Variants in SPAG9 observed in about 807,000 individuals in gnomAD.
SPAG9 encodes the protein sperm associated antigen 9, also known as C-Jun-amino-terminal kinase-interacting protein 4.
In SPAG9, 35 loss-of-function variants were observed where a neutral mutation model predicts 166.5. The observed-to-expected ratio is 0.21, with a 90% confidence interval of 0.16 to 0.28. The LOEUF (loss-of-function observed/expected upper bound fraction) is 0.28. Among genes scored for constraint, SPAG9 ranks in the 10% least tolerant of loss-of-function variants. SPAG9 has a pLI of 1.00. For synonymous variants in SPAG9, 534 were observed against 565.5 expected (o/e 0.94, Z 0.79); for missense variants, 1,235 against 1,603.3 (o/e 0.77, Z 3.92).
intron 3 of SPAG9, among the ~76,000 whole-genome samples, chr17:51,053,604 G>A (rs1323571645): frequency 6.6e-6 from 1 of 151,426 alleles, no homozygotes; most frequent in Non-Finnish European, 1.5e-5. Flanking sequence ...AGAATCGCTT[G>A]AACCCAGGAG....
intron 6 of SPAG9, among the ~76,000 whole-genome samples, chr17:51,021,824 T>G (rs1015368209): frequency 1.1e-5 from 1 of 89,226 alleles, no homozygotes; most frequent in African/African-American, 2.9e-5. Context: ...CTAAATCATT[T>G]GAAGTGCTTG....
chr17:51,049,724 G>C (rs545711045), intron 3 of SPAG9, among the ~76,000 whole-genome samples: 64 of 152,148 alleles, frequency 4.2e-4, no homozygotes, highest in African/African-American at 1.5e-3. Flanking sequence ...TGCCTCCCAA[G>C]TAGCTGGGTA....
At chr17:51,003,043 A>G (rs2045030776) in intron 12 of SPAG9, among the ~76,000 whole-genome samples, 2 of 150,050 alleles carry the variant, frequency 1.3e-5, no homozygotes, top group Admixed American at 1.3e-4. Flanking sequence ...AGACCAGCCT[A>G]GGCAACATAG....
intron 1 of SPAG9, among the ~76,000 whole-genome samples, chr17:51,099,032 A>T (rs1393545604): frequency 6.8e-6 from 1 of 147,776 alleles, no homozygotes; most frequent in Admixed American, 6.8e-5. Flanking sequence ...CCCAGGAGGC[A>T]GAGGCTGCAG....
At chr17:51,081,239 A>T (rs1307284537) in intron 1 of SPAG9, among the ~76,000 whole-genome samples, 2 of 152,076 alleles carry the variant, frequency 1.3e-5, no homozygotes, top group Non-Finnish European at 2.9e-5. Context: ...AGGATTCTTT[A>T]AAAAGTCAGC....
intron 2 of SPAG9, among the ~76,000 whole-genome samples, chr17:51,073,831 G>A (rs905420044): frequency 6.6e-6 from 1 of 152,238 alleles, no homozygotes; most frequent in Non-Finnish European, 1.5e-5. Flanking sequence ...GGCCGGGCAC[G>A]GTGGCTCACG....
chr17:51,101,830 G>A (rs1249871312), intron 1 of SPAG9, among the ~76,000 whole-genome samples: 3 of 151,780 alleles, frequency 2.0e-5, no homozygotes, highest in Admixed American at 6.6e-5. Flanking sequence ...TCACCATGTT[G>A]GCCAGACTGT....
At chr17:51,102,044 C>T (rs1344989797) in intron 1 of SPAG9, among the ~76,000 whole-genome samples, 1 of 152,038 alleles carries the variant, frequency 6.6e-6, no homozygotes, top group Non-Finnish European at 1.5e-5. Context: ...GTTTTACTCA[C>T]CATTTTATCT....
At chr17:50,999,267 C>T (rs1206850600) in intron 14 of SPAG9, among the ~76,000 whole-genome samples, 3 of 152,150 alleles carry the variant, frequency 2.0e-5, no homozygotes, top group African/African-American at 7.2e-5. Context: ...TCAAACCCTA[C>T]AAGCACTAAA....
chr17:51,053,424 C>T (rs1022348100), intron 3 of SPAG9, among the ~76,000 whole-genome samples: 1 of 152,018 alleles, frequency 6.6e-6, no homozygotes, highest in Non-Finnish European at 1.5e-5. Flanking sequence ...CGGTGGCTCA[C>T]GCCTGTAATC....
At chr17:51,020,348 T>C in intron 7 of SPAG9, 90 bp from the exon 8 acceptor site, 3 of 780,306 alleles carry the variant, frequency 3.8e-6, no homozygotes, top group Non-Finnish European at 4.2e-6. Flanking sequence ...TGTAAAGGTA[T>C]CATTTGAACA....
At chr17:51,062,650 G>A (rs1007084288) in intron 2 of SPAG9, among the ~76,000 whole-genome samples, 1 of 152,110 alleles carries the variant, frequency 6.6e-6, no homozygotes, top group African/African-American at 2.4e-5. Flanking sequence ...GAGTGTAGTG[G>A]CATGATCTCA....
chr17:51,050,682 C>T (rs1232161786), intron 3 of SPAG9, among the ~76,000 whole-genome samples: 11 of 149,788 alleles, frequency 7.3e-5, no homozygotes, highest in Non-Finnish European at 4.4e-5. Flanking sequence ...TTATACATAA[C>T]AATTTAAATA....
chr17:50,977,320 AAAG>A, intron 26 of SPAG9, 99 bp from the exon 27 acceptor site: 1 of 737,808 alleles, frequency 1.4e-6, no homozygotes, highest in Non-Finnish European at 2.4e-6. Flanking sequence ...AACAAAAAAA[AAAG>A]AAAGAAAGTA....
At chr17:51,077,943 C>T (rs997808624) in intron 2 of SPAG9, among the ~76,000 whole-genome samples, 7 of 151,958 alleles carry the variant, frequency 4.6e-5, no homozygotes, top group South Asian at 2.1e-4. Flanking sequence ...TGTGAATCAC[C>T]GCGTCTGGCC....
intron 1 of SPAG9, among the ~76,000 whole-genome samples, chr17:51,089,251 C>A (rs1205765604): frequency 5.9e-5 from 9 of 151,788 alleles, no homozygotes; most frequent in African/African-American, 2.2e-4. Flanking sequence ...TGGTAAAGCC[C>A]TGTCTCTACT....
chr17:51,115,833 AAAAAGAAAAG>A lies in SPAG9; in HGVS notation c.303+4511_303+4520del, dbSNP rs372714782. On this transcript the variant is annotated intron_variant, in intron 1 of 29. Transcript: ENST00000262013. ...CAACAAGAGAAACTCCATCTCAAAA[AAAAAGAAAAG>A]AAAAGAAAAGAAAAGAAAAAGAAAA... Among the ~76,000 whole-genome samples the A allele has an allele frequency of 1.5e-3, 224 of 151,064 alleles. 1 individual carries two copies. The highest frequency in any genetic ancestry group is 0.014 in the East Asian group (72 of 5,164).
chr17:50,990,451 T>C lies in SPAG9; in HGVS notation c.2616A>G (p.Pro872=). 6.2e-7 allele frequency: 1 copy of C among 1,602,280 alleles called. No homozygotes were observed. Among genetic ancestry groups the C allele is most frequent in the Non-Finnish European group, 8.6e-7 (1 of 1,169,090 alleles). The change falls in exon 20 of 30, where the codon CCA becomes CCG. Residue 872 remains proline (P), a splice_region_variant and synonymous_variant. Coordinates refer to ENST00000262013, the MANE Select transcript of SPAG9 (RefSeq NM_001130528.3). ...GGCAGGTAAAGAGAATGGATATACC[T>C]GGTGGTTTATCCATCACTGGAGAAG... ...NGASPVMDKP[P]EMEAENSEVD...
intron 5 of SPAG9, among the ~76,000 whole-genome samples, chr17:51,033,586 A>T (rs1325919108): frequency 6.6e-6 from 1 of 152,248 alleles, no homozygotes; most frequent in Non-Finnish European, 1.5e-5. Context: ...GGCTATTCAC[A>T]GGTACCATTA....
Sources: gnomAD v4.1 joint callset for allele counts (sites outside exome capture counted in the v4.1 genomes callset) on GRCh38, gnomAD v4.1.1 for gene constraint, MANE v1.5 for transcripts, NCBI Gene and HGNC (gene_info 2026-07-23, HGNC 2026-07-21) for gene names.